The following CASK variants were observed in gnomAD, a reference collection of about 807,000 sequenced individuals.
The protein encoded by CASK is peripheral plasma membrane protein CASK.
A neutral mutation model predicts 82.9 loss-of-function variants in CASK; 4 were observed. That is an observed-to-expected ratio of 0.05 (90% CI 0.02 to 0.11). The LOEUF is 0.11. Among genes scored for constraint, CASK ranks in the 10% least tolerant of loss-of-function variants. The pLI is 1.00. For missense variants in CASK, 358 were observed against 720.9 expected (o/e 0.50, Z 5.76); for synonymous variants, 259 against 253.5 (o/e 1.02, Z -0.20).
rs143299473 is a variant in CASK at position 41,921,919 on chromosome X, T to C, written c.59+1011A>G. Among the ~76,000 whole-genome samples the C allele has an allele frequency of 3.0e-3, 317 of 104,175 alleles. 3 individuals are homozygous for C. Among genetic ancestry groups the C allele is most frequent in the African/African-American group, 0.01 (293 of 28,526 alleles). 90.5% of individuals were successfully genotyped at this position (104,175 alleles called of 115,157 possible). On this transcript the variant is annotated intron_variant, in intron 1 of 26. Coordinates refer to ENST00000378163, the MANE Select transcript of CASK (RefSeq NM_001367721.1). ...AGGTAAGATATTTCAATGTTAGCTC[T>C]AGCGATCCTTATTAAGCAAAAATTT...
intron 3 of CASK, 120 bp downstream of exon 3, chrX:41,787,058 A>G: frequency 1.9e-6 from 1 of 536,452 alleles, no homozygotes. Flanking sequence ...TTGTGACTTT[A>G]GGTCTTTCTG....
intron 1 of CASK, among the ~76,000 whole-genome samples, chrX:41,876,324 C>A (rs1024361345): frequency 9.0e-6 from 1 of 111,460 alleles, no homozygotes; most frequent in African/African-American, 3.3e-5. Flanking sequence ...AGTTAAATAA[C>A]TTGGCTATAG....
chrX:41,885,467 G>GT (rs963862623), intron 1 of CASK, among the ~76,000 whole-genome samples: 2 of 111,501 alleles, frequency 1.8e-5, no homozygotes, highest in African/African-American at 3.3e-5. Context: ...CAAAAAACCT[G>GT]TTTTTTTCAT....
intron 1 of CASK, among the ~76,000 whole-genome samples, chrX:41,918,038 C>G (rs1285231413): frequency 8.9e-6 from 1 of 112,160 alleles, no homozygotes; most frequent in Admixed American, 9.5e-5. Flanking sequence ...ACTGCTTTCA[C>G]GATCACTGGT....
intron 15 of CASK, among the ~76,000 whole-genome samples, 179 bp downstream of exon 15, chrX:41,578,161 A>T (rs1359116512): frequency 9.0e-6 from 1 of 111,465 alleles, no homozygotes; most frequent in Admixed American, 9.6e-5. Flanking sequence ...AGACAGTTTC[A>T]GGCAGAACAA....
chrX:41,773,815 G>C (rs150528875), intron 3 of CASK, among the ~76,000 whole-genome samples: 1 of 111,272 alleles, frequency 9.0e-6, no homozygotes, highest in Non-Finnish European at 1.9e-5. Flanking sequence ...CACTGGTATA[G>C]GGCACTTACC....
intron 2 of CASK, among the ~76,000 whole-genome samples, chrX:41,821,733 T>A (rs914737340): frequency 8.9e-6 from 1 of 112,423 alleles, no homozygotes; most frequent in African/African-American, 3.2e-5. Context: ...ACAACAGACA[T>A]GGGGATGAAT....
chrX:41,900,277 T>A (rs2072346412), intron 1 of CASK, among the ~76,000 whole-genome samples: 1 of 111,322 alleles, frequency 9.0e-6, no homozygotes, highest in Non-Finnish European at 1.9e-5. Flanking sequence ...ACTTCATGGA[T>A]CTGGATGTTC....
chrX:41,891,547 A>G (rs1274153863), intron 1 of CASK, among the ~76,000 whole-genome samples: 1 of 111,789 alleles, frequency 8.9e-6, no homozygotes. Context: ...TACTTAATGT[A>G]TATTTTGTCT....
At chrX:41,731,120 T>A (rs2068389190) in intron 5 of CASK, among the ~76,000 whole-genome samples, 2 of 112,620 alleles carry the variant, frequency 1.8e-5, no homozygotes, top group Admixed American at 1.9e-4. Context: ...TTAGGAGTTT[T>A]AAAAAAATAC....
chrX:41,813,187 A>G (rs1210678143), intron 2 of CASK, among the ~76,000 whole-genome samples: 3 of 111,504 alleles, frequency 2.7e-5, no homozygotes, highest in African/African-American at 9.8e-5. Flanking sequence ...TATAGATTCA[A>G]TGGCATCCCC....
At chrX:41,821,412 C>T (rs1335176425) in intron 2 of CASK, among the ~76,000 whole-genome samples, 3 of 111,848 alleles carry the variant, frequency 2.7e-5, no homozygotes, top group Non-Finnish European at 5.7e-5. Flanking sequence ...AAAAGGATGG[C>T]AATACCAAGT....
chrX:41,868,779 G>A (rs184387777), intron 1 of CASK, among the ~76,000 whole-genome samples: 7 of 111,534 alleles, frequency 6.3e-5, no homozygotes, highest in Non-Finnish European at 1.3e-4. Context: ...GAAATAACAA[G>A]GCATAAAGGG....
chrX:41,810,268 A>G (rs1397266842), intron 2 of CASK, among the ~76,000 whole-genome samples: 1 of 111,703 alleles, frequency 9.0e-6, no homozygotes, highest in Non-Finnish European at 1.9e-5. Context: ...GCGAAGAGCA[A>G]CTCCAAGATA....
chrX:41,921,165 C>A (rs2072774187), intron 1 of CASK, among the ~76,000 whole-genome samples: 1 of 111,814 alleles, frequency 8.9e-6, no homozygotes, highest in Non-Finnish European at 1.9e-5. Flanking sequence ...GTACTTGATT[C>A]GGTTATTGGA....
chrX:41,534,355 T>A (rs912612840), intron 24 of CASK, among the ~76,000 whole-genome samples: 12 of 106,697 alleles, frequency 1.1e-4, no homozygotes, highest in Non-Finnish European at 9.6e-5. Context: ...TTAGAAAAAT[T>A]GTTACAAACA....
rs1336515864 is a variant in CASK at position 41,923,124 on chromosome X, G to C, written c.-136C>G. ...AGCCCTCGGTGCCGAGGACGCTCGAGTGGGGCCGCGAGGCCCAGAGACTGC... is the reference window on the plus strand; with the variant it reads ...AGCCCTCGGTGCCGAGGACGCTCGACTGGGGCCGCGAGGCCCAGAGACTGC... On this transcript the variant is annotated 5_prime_UTR_variant, in exon 1 of 27. Coordinates refer to ENST00000378163, the MANE Select transcript of CASK (RefSeq NM_001367721.1). 6.4e-6 allele frequency: 3 copies of C among 469,462 alleles called. No individual in the cohort carries two copies. The highest frequency in any genetic ancestry group is 4.9e-5 in the African/African-American group (2 of 40,874). 38.7% of individuals were successfully genotyped at this position (469,462 alleles called of 1,213,427 possible). A position where few individuals can be genotyped will look rare whatever the true frequency, so the allele number is the denominator to read the frequency against.
intron 5 of CASK, chrX:41,728,259 T>C (rs1395736559): frequency 6.9e-6 from 2 of 289,094 alleles, no homozygotes; most frequent in Non-Finnish European, 1.2e-5. Flanking sequence ...TTAAGCATAT[T>C]GAAAGGATCC....
chrX:41,745,390 A>T, intron 4 of CASK, 134 bp downstream of exon 4: 1 of 527,043 alleles, frequency 1.9e-6, no homozygotes, highest in East Asian at 3.6e-5. Flanking sequence ...TTCTACTAAC[A>T]CATACTAAAA....
Sources: allele counts gnomAD v4.1 joint callset (sites outside exome capture counted in the v4.1 genomes callset), GRCh38; gene constraint gnomAD v4.1.1; transcripts MANE v1.5; gene names NCBI Gene and HGNC (gene_info 2026-07-23, HGNC 2026-07-21).